The following ATP11B variants were observed in gnomAD, a reference collection of about 807,000 sequenced individuals.
ATP11B encodes the protein ATPase phospholipid transporting 11B (putative).
Under a neutral mutation model 157.8 loss-of-function variants are expected in ATP11B, and 81 were observed. The ratio of observed to expected loss-of-function variants is 0.51; its 90% CI spans 0.43 to 0.62. The LOEUF (loss-of-function observed/expected upper bound fraction) is 0.62, where lower values mean the gene tolerates loss of function less well. ATP11B is among the 20% of genes least tolerant of loss of function. The pLI is 0.00. For missense variants in ATP11B, 1,165 were observed against 1,402.2 expected (o/e 0.83, Z 2.70); for synonymous variants, 451 against 469.4 (o/e 0.96, Z 0.51).
rs551395741 is a variant in ATP11B at position 182,842,188 on chromosome 3, T to G, written c.704+66T>G. On this transcript the variant is annotated intron_variant, in intron 8 of 29. Coordinates refer to ENST00000323116, the MANE Select transcript of ATP11B (RefSeq NM_014616.3). ...AACTGTTTGGGGGAGGGACTAGAAG[T>G]TCCAAAGGGAGATTATGTAAATAAG... 7 of 1,118,372 alleles carry G rather than the reference T, an allele frequency of 6.3e-6. No individual in the cohort carries two copies. In the East Asian group the frequency reaches 1.7e-4, roughly 27 times the overall value. The allele number at this position is 1,118,372 out of a possible 1,614,324, so 69.3% of individuals were successfully genotyped here. A position where few individuals can be genotyped will look rare whatever the true frequency, so the allele number is the denominator to read the frequency against.
chr3:182,885,006 A>G (rs1352287746), intron 22 of ATP11B, 108 bp downstream of exon 22: 1 of 676,124 alleles, frequency 1.5e-6, no homozygotes, highest in African/African-American at 1.9e-5. Context: ...TCAATAAGTA[A>G]AAATAACAGT....
At chr3:182,857,821 A>G (rs1378700937) in intron 10 of ATP11B, 57 bp from the exon 11 acceptor site, 3 of 1,124,754 alleles carry the variant, frequency 2.7e-6, no homozygotes, top group Non-Finnish European at 3.8e-6. Flanking sequence ...ATTTTCAAGC[A>G]AATGAATATA....
intron 28 of ATP11B, among the ~76,000 whole-genome samples, chr3:182,907,987 C>T (rs749679216): frequency 5.9e-5 from 9 of 151,942 alleles, no homozygotes; most frequent in Non-Finnish European, 1.3e-4. Context: ...ATTAATTTAC[C>T]GTCTGCATTA....
At chr3:182,813,363 A>G (rs189411645) in intron 1 of ATP11B, among the ~76,000 whole-genome samples, 2 of 152,048 alleles carry the variant, frequency 1.3e-5, no homozygotes, top group Admixed American at 1.3e-4. Context: ...GTTTCTCCAC[A>G]TTTTTGCCAA....
intron 4 of ATP11B, chr3:182,829,991 A>G (rs1360950130): frequency 1.2e-5 from 12 of 972,772 alleles, no homozygotes; most frequent in Non-Finnish European, 1.5e-5. Context: ...GCTAGAAAGC[A>G]TCCAAAAACA....
intron 15 of ATP11B, among the ~76,000 whole-genome samples, chr3:182,868,121 C>T (rs926280115): frequency 1.3e-5 from 2 of 151,804 alleles, no homozygotes; most frequent in Non-Finnish European, 2.9e-5. Context: ...TTAGATGCTT[C>T]TGGGTAGTGA....
Position 182,880,868 on chromosome 3 carries a change from A to T in ATP11B, c.2407-11A>T. 1.3e-6 allele frequency: 2 copies of T among 1,530,196 alleles called. No homozygotes were observed. Among genetic ancestry groups the T allele is most frequent in the Non-Finnish European group, 1.8e-6 (2 of 1,133,764 alleles). 94.8% of individuals were successfully genotyped at this position (1,530,196 alleles called of 1,614,324 possible). ...TTGCGTCATAAATAACCAATTCATT[A>T]TGTCTTTCAGGTAATAAGACTAATA... On this transcript the variant is annotated splice_polypyrimidine_tract_variant and intron_variant, in intron 20 of 29. Transcript: ENST00000323116.
At chr3:182,911,543 T>G (rs1724798762) in intron 28 of ATP11B, among the ~76,000 whole-genome samples, 1 of 152,024 alleles carries the variant, frequency 6.6e-6, no homozygotes, top group African/African-American at 2.4e-5. Flanking sequence ...CTGGGGATGA[T>G]CATGATGCCT....
In ATP11B at chr3:182,809,209, C is replaced by T. The variant is rs143573182; in HGVS notation, c.28-11051C>T. Among the ~76,000 whole-genome samples, 468 of 151,908 alleles carry T rather than the reference C, an allele frequency of 3.1e-3. 3 individuals are homozygous for T. The highest frequency in any genetic ancestry group is 0.011 in the African/African-American group (437 of 41,508). On this transcript the variant is annotated intron_variant, in intron 1 of 29. Transcript: ENST00000323116. ...AATTAAAGACTAAGTTTCCTAATTA[C>T]ATTTTATTTATATTCTATTTTATTT...
chr3:182,793,683 G>A lies in ATP11B; in HGVS notation c.-77G>A, dbSNP rs1171693299. On this transcript the variant is annotated 5_prime_UTR_variant, in exon 1 of 30. Coordinates refer to ENST00000323116, the MANE Select transcript of ATP11B (RefSeq NM_014616.3). Reference sequence around the variant, plus strand: ...CGGCCCGAGGGGCTCGCCCGCTCCCGCCTCTGTCTTGTCGGCCTCCACCTG... The same window carrying A: ...CGGCCCGAGGGGCTCGCCCGCTCCCACCTCTGTCTTGTCGGCCTCCACCTG... 1 of 1,015,286 alleles carries A rather than the reference G, an allele frequency of 9.8e-7. No individual in the cohort carries two copies. Among genetic ancestry groups the A allele is most frequent in the East Asian group, 3.4e-5 (1 of 29,152 alleles). 62.9% of individuals were successfully genotyped at this position (1,015,286 alleles called of 1,614,324 possible).
intron 1 of ATP11B, among the ~76,000 whole-genome samples, chr3:182,809,691 A>G (rs899872548): frequency 2.0e-5 from 3 of 152,216 alleles, no homozygotes; most frequent in Admixed American, 2.0e-4. Context: ...ATTGTTAGAT[A>G]TCCATGCTAG....
intron 11 of ATP11B, among the ~76,000 whole-genome samples, chr3:182,858,702 A>G (rs554252463): frequency 2.6e-5 from 4 of 152,324 alleles, no homozygotes; most frequent in Admixed American, 2.6e-4. Context: ...CTATTCCTAT[A>G]TAATCTGCAC....
At chr3:182,863,705 T>TTA (rs144332460) in intron 12 of ATP11B, among the ~76,000 whole-genome samples, 250 of 150,310 alleles carry the variant, frequency 1.7e-3, no homozygotes, top group African/African-American at 4.3e-3. Context: ...CTTCTTGATT[T>TTA]TATATATATA....
intron 1 of ATP11B, among the ~76,000 whole-genome samples, chr3:182,800,466 G>A (rs1002306520): frequency 2.0e-5 from 3 of 151,986 alleles, no homozygotes; most frequent in Admixed American, 1.3e-4. Context: ...GGACTCAAGC[G>A]ATCCTCCTGT....
chr3:182,915,999 T>C, intron 29 of ATP11B: 1 of 984,894 alleles, frequency 1.0e-6, no homozygotes, highest in Non-Finnish European at 1.2e-6. Context: ...CTTTTTCTCA[T>C]GTGAATAATC....
At chr3:182,917,260 T>C in intron 29 of ATP11B, 1 of 985,364 alleles carries the variant, frequency 1.0e-6, no homozygotes, top group South Asian at 4.7e-5. Flanking sequence ...AGAAAAGCAG[T>C]CTTTCACTTG....
intron 19 of ATP11B, among the ~76,000 whole-genome samples, chr3:182,877,033 A>G (rs1442685565): frequency 2.0e-5 from 3 of 152,244 alleles, no homozygotes; most frequent in African/African-American, 7.2e-5. Context: ...GCTTTAGTAT[A>G]TATATCCATT....
intron 29 of ATP11B, chr3:182,916,216 T>C (rs776158796): frequency 1.4e-5 from 14 of 985,228 alleles, no homozygotes; most frequent in South Asian, 4.7e-5. Flanking sequence ...GGCATTTCCA[T>C]TGTGACTTTA....
chr3:182,878,242 A>G (rs1353377423), intron 19 of ATP11B, among the ~76,000 whole-genome samples: 1 of 152,238 alleles, frequency 6.6e-6, no homozygotes, highest in Non-Finnish European at 1.5e-5. Flanking sequence ...TTAACTTACG[A>G]AAGTTTCTTA....
Sources: allele counts gnomAD v4.1 joint callset (sites outside exome capture counted in the v4.1 genomes callset), GRCh38; gene constraint gnomAD v4.1.1; transcripts MANE v1.5; gene names NCBI Gene and HGNC (gene_info 2026-07-23, HGNC 2026-07-21).